The following CTIF variants were observed in gnomAD, a reference collection of about 807,000 sequenced individuals.
CTIF encodes cap binding complex dependent translation initiation factor.
CTIF carries 21 observed loss-of-function variants against 66.0 expected under a neutral mutation model. The ratio of observed to expected loss-of-function variants is 0.32; its 90% CI spans 0.23 to 0.46. The LOEUF is 0.46. Among genes scored for constraint, CTIF ranks in the 20% least tolerant of loss-of-function variants. The pLI, the probability that CTIF is intolerant of heterozygous loss-of-function variation, is 1.00. For synonymous variants in CTIF, 345 were observed against 326.4 expected (o/e 1.06, Z -0.62); for missense variants, 739 against 812.7 (o/e 0.91, Z 1.10).
chr18:48,689,350 G>A (rs1484105806), intron 6 of CTIF, among the ~76,000 whole-genome samples: 4 of 152,216 alleles, frequency 2.6e-5, no homozygotes, highest in Non-Finnish European at 5.9e-5. Context: ...GAGTGGCCGA[G>A]TCACCTCCTG....
intron 7 of CTIF, among the ~76,000 whole-genome samples, chr18:48,743,453 GC>G (rs2092571261): frequency 6.6e-6 from 1 of 152,192 alleles, no homozygotes; most frequent in South Asian, 2.1e-4. Context: ...ATCAGTTTTT[GC>G]TTTTTGTTTC....
chr18:48,714,501 G>A lies in CTIF; in HGVS notation c.584+2806G>A, dbSNP rs1245452189. On this transcript the variant is annotated intron_variant, in intron 7 of 11. Transcript: ENST00000256413. ...TGCAAAGTGGCTGGAGTTGGTGTCC[G>A]ATAGCTGCAAACTCCAGGCAGCATG... Among the ~76,000 whole-genome samples, 10 of 152,242 alleles carry A rather than the reference G, an allele frequency of 6.6e-5. No homozygotes were observed. In the Middle Eastern group the frequency reaches 0.027, roughly 414 times the overall value.
chr18:48,558,988 T>C (rs1328865659), intron 1 of CTIF, among the ~76,000 whole-genome samples: 1 of 152,230 alleles, frequency 6.6e-6, no homozygotes, highest in Admixed American at 6.5e-5. Context: ...AGTTATGTTG[T>C]AGGAGAGATA....
In CTIF at chr18:48,857,647, C is replaced by A. The variant is rs1443528597; in HGVS notation, c.1581+6C>A. ...TCCTTTGCTGCTCTATGGAGGTAAG[C>A]TTTGGGGCTTCGACATCCCCAACCT... On this transcript the variant is annotated splice_donor_region_variant and intron_variant, in intron 11 of 11. Transcript: ENST00000256413. 40 of 1,602,038 alleles carry A rather than the reference C, an allele frequency of 2.5e-5. No individual in the cohort carries two copies. Among genetic ancestry groups the A allele is most frequent in the Non-Finnish European group, 3.2e-5 (38 of 1,174,272 alleles).
intron 9 of CTIF, among the ~76,000 whole-genome samples, chr18:48,796,089 G>A (rs775061821): frequency 3.9e-5 from 6 of 152,134 alleles, no homozygotes; most frequent in African/African-American, 9.7e-5. Context: ...TCCACTTCCC[G>A]GGTTAAAGTG....
intron 1 of CTIF, among the ~76,000 whole-genome samples, chr18:48,546,065 T>G (rs981392036): frequency 1.3e-4 from 19 of 151,990 alleles, no homozygotes; most frequent in African/African-American, 4.6e-4. Flanking sequence ...GTGTACAGAG[T>G]GGGGAAGCCC....
At chr18:48,617,490 C>T (rs935914025) in intron 1 of CTIF, among the ~76,000 whole-genome samples, 2 of 152,226 alleles carry the variant, frequency 1.3e-5, no homozygotes, top group African/African-American at 4.8e-5. Flanking sequence ...CTGTCTGCCA[C>T]ACCTAGCATG....
intron 1 of CTIF, among the ~76,000 whole-genome samples, chr18:48,550,767 C>T (rs1267767848): frequency 1.3e-5 from 2 of 152,168 alleles, no homozygotes; most frequent in Non-Finnish European, 1.5e-5. Flanking sequence ...GTCATCAGGG[C>T]ATTTCCTATA....
intron 7 of CTIF, among the ~76,000 whole-genome samples, chr18:48,739,801 T>C (rs150736368): frequency 2.0e-4 from 30 of 152,294 alleles, no homozygotes; most frequent in African/African-American, 7.2e-4. Flanking sequence ...TGCTCTGGAA[T>C]CATAGGAGGG....
chr18:48,551,434 C>T (rs8099285), intron 1 of CTIF, among the ~76,000 whole-genome samples: 116,199 of 151,932 alleles, frequency 0.76, 44,780 homozygotes, highest in East Asian at 0.96. Context: ...ACTTCTAGCC[C>T]CCAGAATTAT....
chr18:48,767,625 A>T (rs1909701944), intron 9 of CTIF, among the ~76,000 whole-genome samples: 1 of 152,190 alleles, frequency 6.6e-6, no homozygotes, highest in African/African-American at 2.4e-5. Context: ...TGAAAAAAAA[A>T]AGTTTGTCTC....
chr18:48,663,631 C>A, intron 3 of CTIF, 121 bp from the exon 4 acceptor site: 1 of 858,258 alleles, frequency 1.2e-6, no homozygotes, highest in Non-Finnish European at 2.0e-6. Context: ...ACTGGGTGCA[C>A]CAGCCACCAT....
chr18:48,621,770 A>G (rs530056533), intron 2 of CTIF: 1 of 242,584 alleles, frequency 4.1e-6, no homozygotes, highest in Non-Finnish European at 8.2e-6. Context: ...AGACTAGGAG[A>G]ATAGTACAAC....
At chr18:48,632,527 C>A (rs1296036057) in intron 2 of CTIF, among the ~76,000 whole-genome samples, 2 of 152,172 alleles carry the variant, frequency 1.3e-5, no homozygotes, top group African/African-American at 4.8e-5. Context: ...TGCTAATGAA[C>A]CCCAATGTGG....
rs1421186634 is a variant in CTIF, at chr18:48,795,833, C to CT, written c.1372-21381dup. ...AGAATTTAATGTTTATAGAAAACGG[C>CT]TTTTTTTCCCCCAACACAAGTCTTT... On this transcript the variant is annotated intron_variant, in intron 9 of 11. Transcript: ENST00000256413. Among the ~76,000 whole-genome samples, 6 of 152,262 alleles carry CT rather than the reference C, an allele frequency of 3.9e-5. No individual in the cohort carries two copies. The East Asian group carries it at 5.8e-4, about 15-fold the overall frequency.
intron 7 of CTIF, among the ~76,000 whole-genome samples, chr18:48,740,111 G>T (rs2092541031): frequency 6.6e-6 from 1 of 152,204 alleles, no homozygotes; most frequent in Non-Finnish European, 1.5e-5. Flanking sequence ...ACTTGCCTGG[G>T]GTTATACAGC....
At chr18:48,693,688 C>T (rs2091965749) in intron 6 of CTIF, among the ~76,000 whole-genome samples, 1 of 152,174 alleles carries the variant, frequency 6.6e-6, no homozygotes, top group Non-Finnish European at 1.5e-5. Flanking sequence ...GCCAAATGCG[C>T]CAGGTCTCCA....
chr18:48,844,888 G>A (rs1568264482), intron 10 of CTIF, among the ~76,000 whole-genome samples: 1 of 152,150 alleles, frequency 6.6e-6, no homozygotes, highest in Non-Finnish European at 1.5e-5. Flanking sequence ...ACTTCAGAGG[G>A]CGACACTACT....
chr18:48,676,513 C>A (rs755967017), intron 6 of CTIF, among the ~76,000 whole-genome samples: 1 of 152,198 alleles, frequency 6.6e-6, no homozygotes, highest in Non-Finnish European at 1.5e-5. Flanking sequence ...CTAGCAGGGC[C>A]GGCTCCCCTG....
Sources: gnomAD v4.1 joint callset for allele counts (sites outside exome capture counted in the v4.1 genomes callset) on GRCh38, gnomAD v4.1.1 for gene constraint, MANE v1.5 for transcripts, NCBI Gene and HGNC (gene_info 2026-07-23, HGNC 2026-07-21) for gene names.